ADA: variants seen among roughly 807,000 people sequenced by gnomAD.
ADA encodes adenosine aminohydrolase.
In ADA, 45 loss-of-function variants were observed where a neutral mutation model predicts 49.0. The observed-to-expected ratio is 0.92, with a 90% confidence interval of 0.72 to 1.18. The LOEUF (loss-of-function observed/expected upper bound fraction) is 1.18. Among genes scored for constraint, ADA ranks in the 50% most tolerant of loss-of-function variants. The probability of loss-of-function intolerance (pLI) is 0.00; values close to 1 mark genes in which losing one functional copy is unlikely to be tolerated. For missense variants in ADA, 445 were observed against 472.5 expected (o/e 0.94, Z 0.54); for synonymous variants, 173 against 184.2 (o/e 0.94, Z 0.49).
intron 1 of ADA, among the ~76,000 whole-genome samples, chr20:44,648,300 C>T (rs954479007): frequency 6.6e-6 from 1 of 152,060 alleles, no homozygotes; most frequent in Non-Finnish European, 1.5e-5. Context: ...GCAAACTTGA[C>T]TTGGGCATCC....
At chr20:44,621,266 C>T in intron 9 of ADA, 119 bp from the exon 10 acceptor site, 5 of 1,323,792 alleles carry the variant, frequency 3.8e-6, no homozygotes, top group Non-Finnish European at 5.3e-6. Context: ...TCTGAAAGAT[C>T]TGATCCTTGT....
chr20:44,644,837 C>T (rs79172746), intron 1 of ADA, among the ~76,000 whole-genome samples: 4,749 of 152,298 alleles, frequency 0.031, 79 homozygotes, highest in Non-Finnish European at 0.034. Flanking sequence ...GACAGCTCTG[C>T]TGCTGAGAGG....
chr20:44,622,685 G>C (rs1462756706), intron 8 of ADA, 33 bp from the exon 9 acceptor site: 1 of 1,613,964 alleles, frequency 6.2e-7, no homozygotes, highest in South Asian at 1.1e-5. Context: ...GGCAGGGATG[G>C]CCCCAGGCCA....
intron 6 of ADA, 90 bp from the exon 7 acceptor site, chr20:44,623,168 T>A (rs2065349884): frequency 6.3e-7 from 1 of 1,578,454 alleles, no homozygotes; most frequent in East Asian, 2.3e-5. Flanking sequence ...TGAACCATCC[T>A]AGTCATGCTG....
At position 44,626,607 on chromosome 20, in the gene ADA, G is replaced by A. The variant is rs2065385208; in HGVS notation, c.219-8C>T. The A allele has an allele frequency of 6.2e-7, 1 of 1,613,960 alleles. No individual in the cohort carries two copies. The highest frequency in any genetic ancestry group is 8.5e-7 in the Non-Finnish European group (1 of 1,180,008). ...ATAGCCTCCCGGCAGCCCCTGGGAA[G>A]GGAAGAAAGGGGTTGGGAACAACCT... On this transcript the variant is annotated splice_region_variant and splice_polypyrimidine_tract_variant and intron_variant, in intron 3 of 11. Coordinates refer to ENST00000372874, the MANE Select transcript of ADA (RefSeq NM_000022.4).
chr20:44,622,669 G>A lies in ADA; in HGVS notation c.781-17C>T, dbSNP rs771213761. The A allele has an allele frequency of 1.9e-6, 3 of 1,614,216 alleles. No individual in the cohort carries two copies. The highest frequency in any genetic ancestry group is 1.6e-4 in the Middle Eastern group (1 of 6,062). On this transcript the variant is annotated splice_polypyrimidine_tract_variant and intron_variant, in intron 8 of 11. Transcript: ENST00000372874. ...GGGGCAGATCTGGAAGAGCAGGTGTGTGGCTGGCAGGGATGGCCCCAGGCC... is the reference window on the plus strand; with the variant it reads ...GGGGCAGATCTGGAAGAGCAGGTGTATGGCTGGCAGGGATGGCCCCAGGCC...
chr20:44,642,195 C>G (rs556064757), intron 1 of ADA, among the ~76,000 whole-genome samples: 1 of 152,184 alleles, frequency 6.6e-6, no homozygotes, highest in Non-Finnish European at 1.5e-5. Context: ...TCCAAGGAGC[C>G]GAAACCTCAC....
chr20:44,641,763 G>T (rs1046150132), intron 1 of ADA, among the ~76,000 whole-genome samples: 2 of 150,274 alleles, frequency 1.3e-5, no homozygotes, highest in Admixed American at 6.6e-5. Context: ...TTATTTATTT[G>T]TTGTTGTTGT....
intron 4 of ADA, chr20:44,626,188 G>T (rs1600924457): frequency 1.8e-6 from 1 of 560,394 alleles, no homozygotes; most frequent in Non-Finnish European, 3.2e-6. Flanking sequence ...GGCTAAGCAG[G>T]TTAACATTCC....
chr20:44,626,328 G>A, intron 4 of ADA, 128 bp downstream of exon 4: 1 of 1,335,708 alleles, frequency 7.5e-7, no homozygotes, highest in Non-Finnish European at 1.1e-6. Flanking sequence ...CTGAGGCCAT[G>A]GACCAGACTG....
At chr20:44,627,277 G>A (rs1653796644) in intron 3 of ADA, among the ~76,000 whole-genome samples, 1 of 151,986 alleles carries the variant, frequency 6.6e-6, no homozygotes, top group African/African-American at 2.4e-5. Context: ...TGCCTCCTGG[G>A]TTCAAGTGAT....
rs1303099065 is a variant in ADA at position 44,622,838 on chromosome 20, C to T, written c.771G>A (p.Met257Ile). ...TCCCTGGCCCGCTTACCTCGAAGTGCATGTTTTCCTGCCGCAGCCTGTTAT... is the reference window on the plus strand; with the variant it reads ...TCCCTGGCCCGCTTACCTCGAAGTGTATGTTTTCCTGCCGCAGCCTGTTAT... ...ALYNRLRQEN[M>I]HFEICPWSSY... Residue 257 changes from methionine (M) to isoleucine (I), a missense_variant, in exon 8 of 12, where the codon ATG becomes ATA. Met to Ile is a conservative substitution (Grantham distance 10). Transcript: ENST00000372874. The T allele has an allele frequency of 6.2e-6, 10 of 1,614,146 alleles. No homozygotes were observed. The highest frequency in any genetic ancestry group is 7.6e-6 in the Non-Finnish European group (9 of 1,180,048).
intron 3 of ADA, among the ~76,000 whole-genome samples, chr20:44,626,885 T>G (rs576637571): frequency 2.0e-5 from 3 of 152,252 alleles, no homozygotes; most frequent in South Asian, 4.1e-4. Flanking sequence ...CACCCAGCAG[T>G]TGGGGCAATC....
chr20:44,634,108 C>T (rs542906045), intron 2 of ADA, among the ~76,000 whole-genome samples: 102 of 152,330 alleles, frequency 6.7e-4, no homozygotes, highest in African/African-American at 2.3e-3. Context: ...TCCCCTTTCT[C>T]TTAGCCCCAC....
chr20:44,622,711 C>G lies in ADA; in HGVS notation c.781-59G>C. The G allele has an allele frequency of 3.1e-6, 5 of 1,613,378 alleles. No individual in the cohort carries two copies. The South Asian group carries it at 3.3e-5, about 11-fold the overall frequency. ...CCCCAGGCCATGCTGATTCCTCCCC[C>G]CATGTCTGGGCCTGGGGCCACCCCT... is the stretch of plus-strand genomic sequence containing the variant. On this transcript the variant is annotated intron_variant, in intron 8 of 11. Transcript: ENST00000372874.
At chr20:44,628,910 CTAAG>C in intron 3 of ADA, 133 bp downstream of exon 3, 1 of 1,377,460 alleles carries the variant, frequency 7.3e-7, no homozygotes, top group Non-Finnish European at 1.0e-6. Flanking sequence ...GAGAGACTCA[CTAAG>C]TGTACACAAT....
intron 1 of ADA, among the ~76,000 whole-genome samples, chr20:44,639,536 C>A (rs562231218): frequency 3.1e-4 from 47 of 152,224 alleles, no homozygotes; most frequent in African/African-American, 1.1e-3. Flanking sequence ...CCTCAGCCTC[C>A]CGAGTAGTTG....
rs145963969 is a variant in ADA, at chr20:44,626,535, C to T, written c.283G>A (p.Val95Met). Residue 95 changes from valine (V) to methionine (M), a missense_variant, in exon 4 of 12, where the codon GTG (valine) becomes ATG (methionine). Physicochemically the swap from Val to Met is conservative, Grantham distance 21. Coordinates refer to ENST00000372874, the MANE Select transcript of ADA (RefSeq NM_000022.4). ...CTGTACCGCACCTCCACATACACCA[C>T]GCCCTCTTTGGCCTTCATCTCTACA... ...EFVEMKAKEG[V>M]VYVEVRYSPH... 8.1e-6 allele frequency: 13 copies of T among 1,614,088 alleles called. No individual in the cohort carries two copies. The highest frequency in any genetic ancestry group is 3.3e-5 in the Admixed American group (2 of 60,010).
At chr20:44,626,413 C>G in intron 4 of ADA, 43 bp downstream of exon 4, 1 of 1,612,564 alleles carries the variant, frequency 6.2e-7, no homozygotes, top group Non-Finnish European at 8.5e-7. Context: ...CTGAGCCTCC[C>G]AGCCACACCC....
Sources: allele counts gnomAD v4.1 joint callset (sites outside exome capture counted in the v4.1 genomes callset), GRCh38; gene constraint gnomAD v4.1.1; transcripts MANE v1.5; gene names NCBI Gene and HGNC (gene_info 2026-07-23, HGNC 2026-07-21).